The following KIF26B variants were observed in gnomAD, a reference collection of about 807,000 sequenced individuals.
KIF26B encodes kinesin-like protein KIF26B.
A neutral mutation model predicts 151.2 loss-of-function variants in KIF26B; 63 were observed. The observed-to-expected ratio is 0.42, with a 90% CI of 0.34 to 0.51. The LOEUF is 0.51. Ranked by LOEUF, KIF26B falls within the 20% of genes least tolerant of loss-of-function variation. The pLI is 0.07. For missense variants in KIF26B, 2,813 were observed against 2,913.6 expected (o/e 0.97, Z 0.79); for synonymous variants, 1,357 against 1,262.1 (o/e 1.08, Z -1.59).
chr1:245,216,964 G>C (rs1449238735), intron 2 of KIF26B, among the ~76,000 whole-genome samples: 1 of 152,200 alleles, frequency 6.6e-6, no homozygotes, highest in Non-Finnish European at 1.5e-5. Flanking sequence ...ACAGAGCACA[G>C]GGAGCCAACT....
intron 2 of KIF26B, among the ~76,000 whole-genome samples, chr1:245,169,009 G>A (rs1177318917): frequency 1.3e-5 from 2 of 152,082 alleles, no homozygotes; most frequent in African/African-American, 4.8e-5. Flanking sequence ...ACAATTCAGG[G>A]AATATAGCTA....
At chr1:245,569,579 C>T (rs1238163958) in intron 5 of KIF26B, among the ~76,000 whole-genome samples, 1 of 152,026 alleles carries the variant, frequency 6.6e-6, no homozygotes. Context: ...TGCACTCCAG[C>T]CTGGGCGACA....
At chr1:245,265,827 C>T (rs936982372) in intron 2 of KIF26B, among the ~76,000 whole-genome samples, 2 of 152,024 alleles carry the variant, frequency 1.3e-5, no homozygotes, top group South Asian at 2.1e-4. Flanking sequence ...AAGCTGGTTT[C>T]GAACTCCTGA....
At chr1:245,421,948 C>T (rs1329987926) in intron 4 of KIF26B, among the ~76,000 whole-genome samples, 1 of 152,006 alleles carries the variant, frequency 6.6e-6, no homozygotes, top group African/African-American at 2.4e-5. Flanking sequence ...CTAGCGAAAG[C>T]CTAGGGTGGA....
intron 2 of KIF26B, among the ~76,000 whole-genome samples, chr1:245,317,891 G>A (rs756754834): frequency 2.6e-5 from 4 of 152,200 alleles, no homozygotes; most frequent in African/African-American, 4.8e-5. Context: ...GTTTGCTAAC[G>A]TAGAGTGGCC....
At chr1:245,679,608 A>G (rs2044405394) in intron 10 of KIF26B, among the ~76,000 whole-genome samples, 1 of 151,418 alleles carries the variant, frequency 6.6e-6, no homozygotes, top group Non-Finnish European at 1.5e-5. Context: ...AGCTGGGATT[A>G]TAGGCGCGCG....
intron 5 of KIF26B, among the ~76,000 whole-genome samples, chr1:245,570,005 A>G (rs1311629907): frequency 8.0e-6 from 1 of 125,332 alleles, no homozygotes; most frequent in East Asian, 2.5e-4. Context: ...GCATGATCTC[A>G]GCTCACTGCA....
intron 2 of KIF26B, among the ~76,000 whole-genome samples, chr1:245,205,674 A>C (rs1669390184): frequency 6.6e-6 from 1 of 151,320 alleles, no homozygotes. Flanking sequence ...AGAACAGAAC[A>C]GTTTCCTGAG....
intron 3 of KIF26B, among the ~76,000 whole-genome samples, chr1:245,387,692 A>G (rs1438871631): frequency 6.6e-6 from 1 of 152,050 alleles, no homozygotes; most frequent in East Asian, 1.9e-4. Flanking sequence ...ACCCTATCTC[A>G]AAAAAACCCG....
chr1:245,694,025 G>C (rs1413512123), intron 12 of KIF26B, among the ~76,000 whole-genome samples: 1 of 152,238 alleles, frequency 6.6e-6, no homozygotes, highest in Non-Finnish European at 1.5e-5. Flanking sequence ...ACCCCAAAGA[G>C]AGTAGGTGGC....
intron 4 of KIF26B, among the ~76,000 whole-genome samples, chr1:245,476,095 T>C (rs1163457989): frequency 6.6e-6 from 1 of 151,958 alleles, no homozygotes. Flanking sequence ...AAAGTGCTGA[T>C]GCATGCTGCC....
chr1:245,559,260 C>T (rs1010389434), intron 5 of KIF26B, among the ~76,000 whole-genome samples: 1 of 152,166 alleles, frequency 6.6e-6, no homozygotes, highest in Non-Finnish European at 1.5e-5. Context: ...ATCACTTGAG[C>T]CCGGGAAGTC....
At chr1:245,514,775 A>G (rs1035015534) in intron 4 of KIF26B, among the ~76,000 whole-genome samples, 3 of 152,124 alleles carry the variant, frequency 2.0e-5, no homozygotes, top group Non-Finnish European at 4.4e-5. Flanking sequence ...TGTTACCTCC[A>G]TTTGAGCTAC....
At chr1:245,401,158 A>C (rs151268502) in intron 3 of KIF26B, among the ~76,000 whole-genome samples, 68 of 152,324 alleles carry the variant, frequency 4.5e-4, no homozygotes, top group African/African-American at 1.6e-3. Flanking sequence ...AATCTTTGTA[A>C]AAAGCTTTCC....
intron 2 of KIF26B, among the ~76,000 whole-genome samples, chr1:245,247,525 C>A (rs73127195): frequency 6.6e-6 from 1 of 152,104 alleles, no homozygotes. Context: ...TGAGGCAGGA[C>A]GTGCTAACGA....
At chr1:245,591,278 G>C (rs1016828859) in intron 5 of KIF26B, among the ~76,000 whole-genome samples, 5 of 152,196 alleles carry the variant, frequency 3.3e-5, no homozygotes, top group African/African-American at 1.2e-4. Context: ...GTCAGGATCT[G>C]TCTGCCTTCA....
intron 2 of KIF26B, among the ~76,000 whole-genome samples, chr1:245,191,091 A>G (rs1175615802): frequency 1.4e-5 from 2 of 147,420 alleles, no homozygotes; most frequent in Non-Finnish European, 3.0e-5. Flanking sequence ...AAAAAAAGAG[A>G]TAAGAACCAG....
chr1:245,678,673 C>T (rs1039576558), intron 10 of KIF26B, among the ~76,000 whole-genome samples: 1 of 151,902 alleles, frequency 6.6e-6, no homozygotes, highest in South Asian at 2.1e-4. Context: ...ACCATCGTGG[C>T]CAACATGGTG....
intron 3 of KIF26B, among the ~76,000 whole-genome samples, chr1:245,406,059 G>A (rs928391650): frequency 6.6e-6 from 1 of 152,158 alleles, no homozygotes; most frequent in African/African-American, 2.4e-5. Context: ...GCATTTTTTA[G>A]AGATGTAATG....
Sources: allele counts gnomAD v4.1 joint callset (sites outside exome capture counted in the v4.1 genomes callset), GRCh38; gene constraint gnomAD v4.1.1; transcripts MANE v1.5; gene names NCBI Gene and HGNC (gene_info 2026-07-23, HGNC 2026-07-21).